Variants in TTN observed in about 807,000 individuals in gnomAD.
The protein encoded by TTN is connectin.
TTN carries 1,525 observed loss-of-function variants against 3,223.0 expected under a neutral mutation model. The ratio of observed to expected loss-of-function variants is 0.47; its 90% CI spans 0.45 to 0.49. The LOEUF is 0.49. Ranked by LOEUF, TTN falls within the 20% of genes least tolerant of loss-of-function variation. The pLI is 0.00. For synonymous variants in TTN, 14,094 were observed against 15,161.0 expected (o/e 0.93, Z 5.17); for missense variants, 40,786 against 43,424.0 (o/e 0.94, Z 5.40).
Position 178,569,337 on chromosome 2 carries a change from G to C in TTN, c.76795C>G (p.Leu25599Val), listed in dbSNP as rs756385598. The part of the protein sequence containing the change: ...TKSAFVTVRV[L>V]DTPSPPVNLK... ...TTAACAGGTGGACTTGGCGTGTCCA[G>C]AACTCTCACAGTAACAAAGGCAGAC... is the stretch of plus-strand genomic sequence containing the variant. Residue 25599 changes from leucine to valine, a missense_variant, in exon 326 of 363, where the codon CTG (leucine) becomes GTG (valine). Coordinates refer to ENST00000589042, the MANE Select transcript of TTN (RefSeq NM_001267550.2). 3.1e-6 allele frequency: 5 copies of C among 1,613,392 alleles called. No homozygotes were observed. The South Asian group carries it at 5.5e-5, about 18-fold the overall frequency.
In TTN at chr2:178,583,888, T is replaced by G. The variant is rs1430045391; in HGVS notation, c.65294A>C (p.Glu21765Ala). 10 of 1,584,198 alleles carry G rather than the reference T, an allele frequency of 6.3e-6. No homozygotes were observed. Among genetic ancestry groups the G allele is most frequent in the Non-Finnish European group, 6.9e-6 (8 of 1,161,606 alleles). Residue 21765 changes from glutamate to alanine, a missense_variant, in exon 312 of 363, where the codon GAG becomes GCG. Physicochemically the swap from Glu to Ala is moderately radical, Grantham distance 107 (BLOSUM62 -1). Coordinates refer to ENST00000589042, the MANE Select transcript of TTN (RefSeq NM_001267550.2). Reference protein sequence around the residue: ...RMPVDPPGKPEVIDVTKSTVS... With the variant: ...RMPVDPPGKPAVIDVTKSTVS... Reference sequence around the variant, plus strand: ...AGTACTCTTGGTGACATCAATAACCTCAGGTTTCCCAGGAGGATCTAAAAC... The same window carrying G: ...AGTACTCTTGGTGACATCAATAACCGCAGGTTTCCCAGGAGGATCTAAAAC...
Position 178,741,373 on chromosome 2 carries a change from G to A in TTN, c.11860C>T (p.Pro3954Ser), listed in dbSNP as rs757223770. 6.2e-7 allele frequency: 1 copy of A among 1,613,874 alleles called. No individual in the cohort carries two copies. The highest frequency in any genetic ancestry group is 8.5e-7 in the Non-Finnish European group (1 of 1,179,832). ...ACCACTGTGTACTCAAAGATGGCAG[G>A]AAGCCCTTGAGCACAGCGAATTGGT... ...LKPIRCAQGLPAIFEYTVVGE... is the reference protein window; with the variant it reads ...LKPIRCAQGLSAIFEYTVVGE... The change falls in exon 48 of 363, where the codon CCT (proline) becomes TCT (serine). Residue 3954 changes from proline to serine, a missense_variant. Transcript: ENST00000589042.
chr2:178,642,263 G>C lies in TTN; in HGVS notation c.40532C>G (p.Pro13511Arg). The change falls in exon 219 of 363, where the codon CCA becomes CGA. Residue 13511 changes from proline (P) to arginine (R), a missense_variant. By Grantham distance (103) the Pro-to-Arg change is moderately radical. Transcript: ENST00000589042. Reference protein sequence around the residue: ...RKLLPERKPEPKEEVVLKSVL... With the variant: ...RKLLPERKPERKEEVVLKSVL... ...GCTTTTCAGAACAACTTCTTCCTTT[G>C]GTTCAGGTTTACGTTCCGGAAGTAA... 6.3e-7 allele frequency: 1 copy of C among 1,594,694 alleles called. No individual in the cohort carries two copies. The highest frequency in any genetic ancestry group is 8.6e-7 in the Non-Finnish European group (1 of 1,169,540).
chr2:178,684,804 C>T lies in TTN; in HGVS notation c.32555-55G>A, dbSNP rs999032433. ...CATACGATATGGAAAACACTAAACA[C>T]AGGCACACTTATTTTCTGGTTAATG... On this transcript the variant is annotated intron_variant, in intron 130 of 362. Transcript: ENST00000589042. 32 of 1,570,306 alleles carry T rather than the reference C, an allele frequency of 2.0e-5. No individual in the cohort carries two copies. In the Admixed American group the frequency reaches 5.7e-4, roughly 28 times the overall value.
At chr2:178,742,028 T>C (rs564847263) in intron 47 of TTN, 107 bp from the exon 48 acceptor site, 1 of 858,500 alleles carries the variant, frequency 1.2e-6, no homozygotes, top group African/African-American at 1.8e-5. Flanking sequence ...GCTTTATTCC[T>C]GGAATGATTA....
At chr2:178,688,272 T>G in intron 126 of TTN, 48 bp from the exon 127 acceptor site, 1 of 1,524,212 alleles carries the variant, frequency 6.6e-7, no homozygotes, top group African/African-American at 1.4e-5. Flanking sequence ...GAGATACAGA[T>G]GTATATACAG....
rs954068043 is a variant in TTN at position 178,608,204 on chromosome 2, T to A, written c.52679A>T (p.Asp17560Val). 2.5e-6 allele frequency: 4 copies of A among 1,603,696 alleles called. No homozygotes were observed. The Admixed American group carries it at 6.8e-5, about 27-fold the overall frequency. The change falls in exon 275 of 363, where the codon GAT becomes GTT. Residue 17560 changes from aspartate to valine, a missense_variant. Coordinates refer to ENST00000589042, the MANE Select transcript of TTN (RefSeq NM_001267550.2). The part of the protein sequence containing the change: ...AGPGKFSPPS[D>V]PKTAHDPISP... ...GATTGGATCATGTGCTGTTTTGGGATCTGAAGGTGGACTGAACTTTCCAGG... is the reference window on the plus strand; with the variant it reads ...GATTGGATCATGTGCTGTTTTGGGAACTGAAGGTGGACTGAACTTTCCAGG...
intron 62 of TTN, 35 bp downstream of exon 62, chr2:178,730,058 A>G: frequency 6.3e-7 from 1 of 1,594,608 alleles, no homozygotes; most frequent in African/African-American, 1.4e-5. Context: ...GAAAATCTAG[A>G]CAAGCAAGAA....
chr2:178,793,490 C>T lies in TTN; in HGVS notation c.1450G>A (p.Asp484Asn), dbSNP rs768211726. 30 of 1,614,112 alleles carry T rather than the reference C, an allele frequency of 1.9e-5. No homozygotes were observed. In the Admixed American group the frequency reaches 3.0e-4, roughly 16 times the overall value. The change falls in exon 9 of 363, where the codon GAT becomes AAT. Residue 484 changes from aspartate (D) to asparagine (N), a missense_variant. By Grantham distance (23) the Asp-to-Asn change is conservative. Coordinates refer to ENST00000589042, the MANE Select transcript of TTN (RefSeq NM_001267550.2). ...TAVTKVVVAA[D>N]KAKEQELKSR... ...TTTAATTCTTGTTCCTTGGCTTTATCGGCGGCCACTACTACCTTAGTTACA... is the reference window on the plus strand; with the variant it reads ...TTTAATTCTTGTTCCTTGGCTTTATTGGCGGCCACTACTACCTTAGTTACA...
At chr2:178,761,425 C>A (rs1041754867) in intron 43 of TTN, among the ~76,000 whole-genome samples, 3 of 152,176 alleles carry the variant, frequency 2.0e-5, no homozygotes, top group African/African-American at 7.2e-5. Flanking sequence ...GCTGTATTAT[C>A]CAGCCTTCTT....
At position 178,764,529 on chromosome 2, in the gene TTN, T is replaced by C. The variant is rs569472433; in HGVS notation, c.9986A>G (p.Glu3329Gly). Residue 3329 changes from glutamate (E) to glycine (G), a missense_variant and splice_region_variant, in exon 42 of 363, where the codon GAA becomes GGA. Coordinates refer to ENST00000589042, the MANE Select transcript of TTN (RefSeq NM_001267550.2). ...VATTSASLSV[E>G]VPEVVSPDQE... is the part of the protein sequence containing the mutation. ...TGGAAGTAGCGAGGCATTCCTACCTTCCACTGAGAGTGAAGCTGATGTTGT... is the reference window on the plus strand; with the variant it reads ...TGGAAGTAGCGAGGCATTCCTACCTCCCACTGAGAGTGAAGCTGATGTTGT... The C allele has an allele frequency of 1.2e-6, 2 of 1,614,062 alleles. No individual in the cohort carries two copies. Among genetic ancestry groups the C allele is most frequent in the South Asian group, 1.1e-5 (1 of 91,078 alleles).
At chr2:178,633,761 C>T (rs2060093466) in intron 231 of TTN, 56 bp downstream of exon 231, 1 of 1,605,294 alleles carries the variant, frequency 6.2e-7, no homozygotes, top group Non-Finnish European at 8.5e-7. Context: ...TATTTTATTA[C>T]TCCCCACTCC....
At chr2:178,630,454 T>G in intron 238 of TTN, 87 bp from the exon 239 acceptor site, 1 of 1,435,988 alleles carries the variant, frequency 7.0e-7, no homozygotes, top group South Asian at 1.3e-5. Flanking sequence ...ATTAAAGGAA[T>G]GCAACAAATA....
chr2:178,650,097 A>C (rs1234586079), intron 210 of TTN, 67 bp downstream of exon 210: 10 of 1,438,382 alleles, frequency 7.0e-6, no homozygotes, highest in Non-Finnish European at 9.4e-6. Flanking sequence ...TTTTGCCTTA[A>C]GGAAGATATA....
chr2:178,639,193 C>T (rs1259439764), intron 223 of TTN, among the ~76,000 whole-genome samples: 2 of 151,598 alleles, frequency 1.3e-5, no homozygotes, highest in African/African-American at 4.8e-5. Context: ...TAAAATTTAC[C>T]ATTTTAGCCA....
intron 49 of TTN, among the ~76,000 whole-genome samples, chr2:178,736,785 A>C (rs181614322): frequency 1.2e-3 from 178 of 152,280 alleles, no homozygotes; most frequent in Non-Finnish European, 2.1e-3. Context: ...GAATAATATC[A>C]TGTACTTGGT....
rs876658077 is a variant in TTN at position 178,578,017 on chromosome 2, G to A, written c.68498C>T (p.Ser22833Leu). Reference protein sequence around the residue: ...LAGVGKPSLPSEPVVALDPID... With the variant: ...LAGVGKPSLPLEPVVALDPID... ...TGGGTCCAGTGCCACAACAGGCTCT[G>A]ATGGTAGGCTTGGCTTGCCCACACC... The change falls in exon 322 of 363, where the codon TCA (serine) becomes TTA (leucine). Residue 22833 changes from serine (S) to leucine (L), a missense_variant. By Grantham distance (145) the Ser-to-Leu change is moderately radical (BLOSUM62 -2). Transcript: ENST00000589042. 6.2e-7 allele frequency: 1 copy of A among 1,613,170 alleles called. No homozygotes were observed. The highest frequency in any genetic ancestry group is 1.3e-5 in the African/African-American group (1 of 74,994).
At chr2:178,536,634 TA>T (rs1369292593) in intron 356 of TTN, 59 bp from the exon 357 acceptor site, 2 of 1,378,408 alleles carry the variant, frequency 1.5e-6, no homozygotes, top group Non-Finnish European at 1.9e-6. Context: ...TATTAAAGCT[TA>T]TTTTTTTAAA....
chr2:178,641,615 G>A (rs1047111463), intron 219 of TTN, among the ~76,000 whole-genome samples: 6 of 151,776 alleles, frequency 4.0e-5, no homozygotes, highest in Admixed American at 1.3e-4. Context: ...GAATAGCAAC[G>A]AATTATAATA....
Sources: allele counts gnomAD v4.1 joint callset (sites outside exome capture counted in the v4.1 genomes callset), GRCh38; gene constraint gnomAD v4.1.1; transcripts MANE v1.5; gene names NCBI Gene and HGNC (gene_info 2026-07-23, HGNC 2026-07-21).